The following KMT2E variants were observed in gnomAD, a reference collection of about 807,000 sequenced individuals.
KMT2E encodes histone reader KMT2E.
In KMT2E, 30 loss-of-function variants were observed where a neutral mutation model predicts 184.6. That is an observed-to-expected ratio of 0.16 (90% CI 0.12 to 0.22). The LOEUF (loss-of-function observed/expected upper bound fraction) is 0.22, where lower values mean the gene tolerates loss of function less well. Ranked by LOEUF, KMT2E falls within the 10% of genes least tolerant of loss-of-function variation. The pLI is 1.00. For synonymous variants in KMT2E, 815 were observed against 776.5 expected (o/e 1.05, Z -0.82); for missense variants, 2,023 against 2,237.4 (o/e 0.90, Z 1.93).
chr7:105,104,264 C>T (rs946509593), intron 17 of KMT2E: 4 of 151,928 alleles, frequency 2.6e-5, no homozygotes, highest in Non-Finnish European at 4.4e-5. Flanking sequence ...CCAATAGAGA[C>T]TGTATTATGT....
chr7:105,072,337 CAAAA>C (rs1346152671), intron 6 of KMT2E, among the ~76,000 whole-genome samples: 1 of 151,580 alleles, frequency 6.6e-6, no homozygotes, highest in Non-Finnish European at 1.5e-5. Flanking sequence ...AAAAACAAAA[CAAAA>C]AACAAAAAAA....
At chr7:105,039,429 C>A (rs2129565249) in intron 2 of KMT2E, among the ~76,000 whole-genome samples, 1 of 152,290 alleles carries the variant, frequency 6.6e-6, no homozygotes, top group South Asian at 2.1e-4. Context: ...AAGTATACCA[C>A]TAAATATAGT....
intron 3 of KMT2E, among the ~76,000 whole-genome samples, chr7:105,042,322 A>T (rs1002043218): frequency 3.3e-5 from 5 of 151,864 alleles, no homozygotes; most frequent in African/African-American, 1.2e-4. Context: ...GTAATGCTGA[A>T]TTTTTCATTT....
Position 105,112,131 on chromosome 7 carries a change from C to G in KMT2E, c.4375C>G (p.Pro1459Ala), listed in dbSNP as rs1336173119. Reference protein sequence around the residue: ...NPPKSSTPHTPVQHGYLSPKP... With the variant: ...NPPKSSTPHTAVQHGYLSPKP... ...TCCAAAGTCATCCACGCCTCACACA[C>G]CTGTACAGCATGGTTATCTTTCACC... The change falls in exon 27 of 27, where the codon CCT (proline) becomes GCT (alanine). Residue 1459 changes from proline (P) to alanine (A), a missense_variant. This residue lies in a region of KMT2E where 1,108 missense variants were observed against 1,050.9 expected (regional missense o/e 1.05). Transcript: ENST00000311117. The G allele has an allele frequency of 6.2e-7, 1 of 1,614,088 alleles. No individual in the cohort carries two copies. Among genetic ancestry groups the G allele is most frequent in the Admixed American group, 1.7e-5 (1 of 60,008 alleles).
At chr7:105,106,050 A>G (rs772524926) in intron 19 of KMT2E, 47 bp downstream of exon 19, 1 of 1,551,994 alleles carries the variant, frequency 6.4e-7, no homozygotes, top group Non-Finnish European at 8.8e-7. Flanking sequence ...GTGGCAGGGC[A>G]TACATACAGC....
chr7:105,106,064 A>G lies in KMT2E; in HGVS notation c.2596+61A>G, dbSNP rs117925503. ...TGTGGCAGGGCATACATACAGCTTT[A>G]TAACAGGCATATTTCTAGTTACTGG... is the stretch of plus-strand genomic sequence containing the variant. On this transcript the variant is annotated intron_variant, in intron 19 of 26. Coordinates refer to ENST00000311117, the MANE Select transcript of KMT2E (RefSeq NM_182931.3). 4,929 of 1,440,278 alleles carry G rather than the reference A, an allele frequency of 3.4e-3. 126 individuals carry two copies. In the East Asian group the frequency reaches 0.064, roughly 19 times the overall value. The allele number at this position is 1,440,278 out of a possible 1,614,324, so 89.2% of individuals were successfully genotyped here.
At chr7:105,106,064 A>C in intron 19 of KMT2E, 61 bp downstream of exon 19, 1 of 1,440,290 alleles carries the variant, frequency 6.9e-7, no homozygotes, top group Non-Finnish European at 9.4e-7. Flanking sequence ...ATACAGCTTT[A>C]TAACAGGCAT....
intron 14 of KMT2E, 115 bp downstream of exon 14, chr7:105,090,388 T>A: frequency 1.7e-6 from 2 of 1,183,422 alleles, no homozygotes; most frequent in Non-Finnish European, 2.3e-6. Flanking sequence ...GTCCATTCTG[T>A]CATTTAATGA....
chr7:105,014,349 C>G lies in KMT2E; in HGVS notation c.-375C>G, dbSNP rs914656306. On this transcript the variant is annotated 5_prime_UTR_variant, in exon 1 of 27. Transcript: ENST00000311117. ...GTTCCTGTTGACTGCCTGGCTGCCC[C>G]CTCCCCTACTCCTCGGTTCCTGGTG... The G allele has an allele frequency of 1.9e-5, 3 of 155,134 alleles. No homozygotes were observed. The highest frequency in any genetic ancestry group is 7.2e-5 in the African/African-American group (3 of 41,474). 9.6% of individuals were successfully genotyped at this position (155,134 alleles called of 1,614,324 possible). A position where few individuals can be genotyped will look rare whatever the true frequency, so the allele number is the denominator to read the frequency against.
At chr7:105,080,887 C>T (rs1232514407) in intron 12 of KMT2E, among the ~76,000 whole-genome samples, 2 of 152,092 alleles carry the variant, frequency 1.3e-5, no homozygotes, top group African/African-American at 4.8e-5. Flanking sequence ...CCTGTAGTCC[C>T]AGCTACTTGG....
chr7:105,097,665 C>T (rs1179294595), intron 15 of KMT2E, among the ~76,000 whole-genome samples: 2 of 152,088 alleles, frequency 1.3e-5, no homozygotes, highest in Middle Eastern at 3.2e-3. Flanking sequence ...TGGGATTACA[C>T]GCGTGAGCCA....
chr7:105,076,358 C>A (rs1797526119), intron 9 of KMT2E, among the ~76,000 whole-genome samples: 1 of 152,176 alleles, frequency 6.6e-6, no homozygotes, highest in South Asian at 2.1e-4. Flanking sequence ...TAATCCATGT[C>A]TCTGATGCCA....
chr7:105,098,997 TA>T (rs1798539475), intron 15 of KMT2E, among the ~76,000 whole-genome samples: 1 of 152,220 alleles, frequency 6.6e-6, no homozygotes, highest in Non-Finnish European at 1.5e-5. Context: ...GTTAGAGCTA[TA>T]AAATGGGAGG....
intron 3 of KMT2E, among the ~76,000 whole-genome samples, chr7:105,045,549 T>C (rs904316090): frequency 6.6e-6 from 1 of 152,224 alleles, no homozygotes; most frequent in Non-Finnish European, 1.5e-5. Flanking sequence ...AAAATACTTA[T>C]TCTCTTATGT....
chr7:105,059,829 A>G (rs1291892984), intron 3 of KMT2E, among the ~76,000 whole-genome samples: 1 of 152,078 alleles, frequency 6.6e-6, no homozygotes, highest in Non-Finnish European at 1.5e-5. Context: ...GTGGAGACAT[A>G]GTCTTACATT....
chr7:105,081,208 C>T (rs1169096484), intron 12 of KMT2E, among the ~76,000 whole-genome samples: 2 of 151,776 alleles, frequency 1.3e-5, no homozygotes, highest in East Asian at 1.9e-4. Context: ...TGTGAAAACT[C>T]GTCTCTACTA....
chr7:105,065,198 A>G (rs369152272), intron 5 of KMT2E, among the ~76,000 whole-genome samples: 4 of 152,200 alleles, frequency 2.6e-5, no homozygotes, highest in African/African-American at 9.6e-5. Flanking sequence ...TTATTTTTAC[A>G]TGTTCCTACT....
chr7:105,016,666 G>A (rs1794727641), intron 1 of KMT2E, among the ~76,000 whole-genome samples: 1 of 152,130 alleles, frequency 6.6e-6, no homozygotes, highest in African/African-American at 2.4e-5. Flanking sequence ...AGATGTGAGT[G>A]GGCCATTAAT....
chr7:105,074,903 C>T (rs930311828), intron 8 of KMT2E, 88 bp downstream of exon 8: 16 of 892,250 alleles, frequency 1.8e-5, no homozygotes, highest in South Asian at 2.9e-5. Flanking sequence ...TGAGAATAAT[C>T]GATGATAGCT....
Sources: gnomAD v4.1 joint callset for allele counts (sites outside exome capture counted in the v4.1 genomes callset) on GRCh38, gnomAD v4.1.1 for gene constraint, gnomAD v4.1.1 regional missense constraint, MANE v1.5 for transcripts, NCBI Gene and HGNC (gene_info 2026-07-23, HGNC 2026-07-21) for gene names.